Variants in PITPNC1 observed in about 807,000 individuals in gnomAD.
PITPNC1 encodes cytoplasmic phosphatidylinositol transfer protein 1.
A neutral mutation model predicts 44.7 loss-of-function variants in PITPNC1; 18 were observed. The ratio of observed to expected loss-of-function variants is 0.40; its 90% confidence interval spans 0.28 to 0.60. The LOEUF is 0.60. Among genes scored for constraint, PITPNC1 ranks in the 20% least tolerant of loss-of-function variants. The pLI is 0.39. For missense variants in PITPNC1, 290 were observed against 418.4 expected, an observed-to-expected ratio of 0.69 and a Z score of 2.68; for synonymous variants, 141 against 149.6, an observed-to-expected ratio of 0.94 and a Z score of 0.42.
intron 1 of PITPNC1, among the ~76,000 whole-genome samples, chr17:67,397,010 C>T (rs1284964389): frequency 6.6e-6 from 1 of 152,122 alleles, no homozygotes. Flanking sequence ...GACGAAGTCT[C>T]ACTCTTATCC....
chr17:67,476,804 G>C (rs8074480), intron 1 of PITPNC1, among the ~76,000 whole-genome samples: 56,143 of 151,734 alleles, frequency 0.37, 10,545 homozygotes, highest in African/African-American at 0.4. Context: ...GATTAACGGG[G>C]CCGGGCCAGG....
rs779197542 is a variant in PITPNC1, at chr17:67,692,708, T to C, written c.819T>C (p.Ser273=). The C allele has an allele frequency of 7.4e-6, 12 of 1,613,740 alleles. No homozygotes were observed. In the African/African-American group the frequency reaches 9.3e-5, roughly 13 times the overall value. ...CTTCTTCCGTCCGCAGTGCGCCTTC[T>C]AGTGCTCCATCCACCCCTCTCTCCA... is the stretch of plus-strand genomic sequence containing the variant. ...LLPSSVRSAP[S]SAPSTPLSTD... Residue 273 remains serine (S), a synonymous_variant, in exon 9 of 9, where the codon TCT becomes TCC. Transcript: ENST00000581322.
intron 6 of PITPNC1, among the ~76,000 whole-genome samples, chr17:67,651,654 C>A (rs936938933): frequency 6.6e-6 from 1 of 152,186 alleles, no homozygotes; most frequent in East Asian, 1.9e-4. Flanking sequence ...ATTTTCATCA[C>A]CCCACAAAGA....
intron 1 of PITPNC1, among the ~76,000 whole-genome samples, chr17:67,398,380 A>C (rs1330164252): frequency 6.6e-6 from 1 of 152,090 alleles, no homozygotes; most frequent in Non-Finnish European, 1.5e-5. Flanking sequence ...TTCTGTATAA[A>C]AAGTTGTCGA....
intron 8 of PITPNC1, 124 bp from the exon 9 acceptor site, chr17:67,692,448 T>C (rs2042945792): frequency 1.5e-6 from 1 of 681,050 alleles, no homozygotes; most frequent in Non-Finnish European, 2.5e-6. Context: ...TTTGGGTGTA[T>C]AATCGGGAGA....
intron 1 of PITPNC1, among the ~76,000 whole-genome samples, chr17:67,511,126 C>T (rs1568020363): frequency 6.6e-6 from 1 of 152,016 alleles, no homozygotes; most frequent in Admixed American, 6.6e-5. Flanking sequence ...ACTTTCCTTC[C>T]CCCACATAAT....
chr17:67,466,271 C>T (rs1598703987), intron 1 of PITPNC1, among the ~76,000 whole-genome samples: 2 of 152,052 alleles, frequency 1.3e-5, no homozygotes, highest in South Asian at 4.1e-4. Context: ...ATTGATCCTA[C>T]TGTCTTGACC....
Position 67,687,320 on chromosome 17 carries a change from C to A in PITPNC1, c.683-5252C>A, listed in dbSNP as rs1361831445. The A allele has an allele frequency of 1.6e-5, 10 of 609,308 alleles. No homozygotes were observed. In the Admixed American group the frequency reaches 1.7e-4, roughly 11 times the overall value. 37.7% of individuals were successfully genotyped at this position (609,308 alleles called of 1,614,324 possible). On this transcript the variant is annotated intron_variant, in intron 8 of 8. Transcript: ENST00000581322. ...TCACCCAGACCCTGTTGCTGCAGAA[C>A]CTGAGCTGGATCTAAATTGGGCAGT...
intron 5 of PITPNC1, among the ~76,000 whole-genome samples, chr17:67,588,483 C>T (rs1295315605): frequency 6.6e-6 from 1 of 152,070 alleles, no homozygotes; most frequent in Non-Finnish European, 1.5e-5. Flanking sequence ...AATCTCATAC[C>T]GTCCTGCCCC....
intron 6 of PITPNC1, among the ~76,000 whole-genome samples, chr17:67,636,722 G>T (rs2042037643): frequency 6.6e-6 from 1 of 152,218 alleles, no homozygotes; most frequent in Non-Finnish European, 1.5e-5. Flanking sequence ...CCCAAAGGAA[G>T]AGGGGTGAGT....
chr17:67,485,201 G>A (rs780908259), intron 1 of PITPNC1, among the ~76,000 whole-genome samples: 3 of 151,936 alleles, frequency 2.0e-5, no homozygotes, highest in South Asian at 4.2e-4. Flanking sequence ...TTTGGTTCCC[G>A]GTGGTGATGC....
At chr17:67,464,273 C>T (rs1201076851) in intron 1 of PITPNC1, among the ~76,000 whole-genome samples, 4 of 152,038 alleles carry the variant, frequency 2.6e-5, no homozygotes, top group Admixed American at 2.6e-4. Flanking sequence ...TCATTTGCTT[C>T]CCAGTGTTCC....
chr17:67,658,654 G>C (rs2042302215), intron 6 of PITPNC1, among the ~76,000 whole-genome samples: 1 of 152,164 alleles, frequency 6.6e-6, no homozygotes, highest in South Asian at 2.1e-4. Flanking sequence ...TGCATCACTG[G>C]TTTTTATTTT....
At chr17:67,498,540 A>C (rs979676459) in intron 1 of PITPNC1, among the ~76,000 whole-genome samples, 1 of 152,164 alleles carries the variant, frequency 6.6e-6, no homozygotes, top group African/African-American at 2.4e-5. Flanking sequence ...TCTTGTTTTC[A>C]ACTCTTTTGG....
intron 6 of PITPNC1, among the ~76,000 whole-genome samples, chr17:67,664,880 G>A (rs2042399326): frequency 1.3e-5 from 2 of 151,392 alleles, no homozygotes; most frequent in Admixed American, 6.6e-5. Context: ...ACTCCAGCCT[G>A]GGCGACAGAG....
intron 1 of PITPNC1, among the ~76,000 whole-genome samples, chr17:67,439,725 C>T (rs898952607): frequency 6.6e-6 from 1 of 152,158 alleles, no homozygotes; most frequent in Non-Finnish European, 1.5e-5. Flanking sequence ...ACCTTACATA[C>T]TTATTTTTTG....
At chr17:67,506,165 A>T (rs1206903451) in intron 1 of PITPNC1, among the ~76,000 whole-genome samples, 1 of 152,214 alleles carries the variant, frequency 6.6e-6, no homozygotes, top group African/African-American at 2.4e-5. Flanking sequence ...ATGGGCAAGC[A>T]TATAAATCAT....
chr17:67,585,850 G>A (rs539818733), intron 5 of PITPNC1, among the ~76,000 whole-genome samples: 1 of 152,322 alleles, frequency 6.6e-6, no homozygotes, highest in East Asian at 1.9e-4. Context: ...TGAAGACGTA[G>A]GGAGAAGGCA....
In PITPNC1 at chr17:67,584,184, G is replaced by A. The variant is rs1215774377; in HGVS notation, c.366+5927G>A. Among the ~76,000 whole-genome samples, 4 of 152,042 alleles carry A rather than the reference G, an allele frequency of 2.6e-5. No individual in the cohort carries two copies. In the East Asian group the frequency reaches 7.7e-4, roughly 29 times the overall value. Reference sequence around the variant, plus strand: ...ACTCCTTTATACTCCTGGAAAATAGGACAGTTTACAAAAGGCATATGTAAA... The same window carrying A: ...ACTCCTTTATACTCCTGGAAAATAGAACAGTTTACAAAAGGCATATGTAAA... On this transcript the variant is annotated intron_variant, in intron 5 of 8. Transcript: ENST00000581322.
Sources: allele counts gnomAD v4.1 joint callset (sites outside exome capture counted in the v4.1 genomes callset), GRCh38; gene constraint gnomAD v4.1.1; transcripts MANE v1.5; gene names NCBI Gene and HGNC (gene_info 2026-07-23, HGNC 2026-07-21).